Variants in WIPI2 observed in about 807,000 individuals in gnomAD.
The protein encoded by WIPI2 is WD repeat domain phosphoinositide-interacting protein 2.
A neutral mutation model predicts 52.3 loss-of-function variants in WIPI2; 28 were observed. The ratio of observed to expected loss-of-function variants is 0.54; its 90% confidence interval spans 0.40 to 0.73. WIPI2 has a LOEUF of 0.73. WIPI2 is among the 30% of genes least tolerant of loss of function. The probability of loss-of-function intolerance (pLI) is 0.00; values close to 1 mark genes in which losing one functional copy is unlikely to be tolerated. For missense variants in WIPI2, 506 were observed against 602.9 expected (o/e 0.84, Z 1.68); for synonymous variants, 268 against 245.0 (o/e 1.09, Z -0.88).
intron 3 of WIPI2, among the ~76,000 whole-genome samples, chr7:5,205,202 C>G (rs1025029629): frequency 1.3e-5 from 2 of 152,194 alleles, no homozygotes; most frequent in African/African-American, 4.8e-5. Flanking sequence ...TCTGGAACTC[C>G]TGACCTCAGG....
intron 6 of WIPI2, 74 bp downstream of exon 6, chr7:5,217,261 T>A: frequency 6.7e-7 from 1 of 1,489,822 alleles, no homozygotes; most frequent in Non-Finnish European, 9.3e-7. Flanking sequence ...GTGGTGTCCC[T>A]GGCATCCTGA....
At chr7:5,219,226 G>A (rs888520421) in intron 7 of WIPI2, among the ~76,000 whole-genome samples, 13 of 151,592 alleles carry the variant, frequency 8.6e-5, no homozygotes, top group Admixed American at 6.6e-4. Context: ...CGGTGTGCCC[G>A]GGGCCGCCCA....
In WIPI2 at chr7:5,197,111, C is replaced by CAAAAAAAAAAAAAAAAA. The variant is rs1562384541; in HGVS notation, c.129-2459_129-2458insAAAAAAAAAAAAAAAAA. ...TGCATGACAGAGCGGGACTCCGTCT[C>CAAAAAAAAAAAAAAAAA]AAAAAACAAAAAAAAAAAAAAAAAA... is the stretch of plus-strand genomic sequence containing the variant. On this transcript the variant is annotated intron_variant, in intron 2 of 12. Transcript: ENST00000288828. 7.1e-5 allele frequency among the ~76,000 whole-genome samples: 4 copies of CAAAAAAAAAAAAAAAAA among 56,428 alleles called. 1 individual carries two copies. Among genetic ancestry groups the CAAAAAAAAAAAAAAAAA allele is most frequent in the Non-Finnish European group, 2.9e-5 (1 of 33,978 alleles). 37.0% of individuals were successfully genotyped at this position (56,428 alleles called of 152,430 possible). A position where few individuals can be genotyped will look rare whatever the true frequency, so the allele number is the denominator to read the frequency against.
chr7:5,225,783 C>G (rs749832384), intron 8 of WIPI2, 40 bp from the exon 9 acceptor site: 5 of 1,501,496 alleles, frequency 3.3e-6, no homozygotes, highest in Non-Finnish European at 4.6e-6. Flanking sequence ...GGGGCAGCTG[C>G]TGGCTCCGGT....
intron 9 of WIPI2, chr7:5,226,586 C>T (rs1225614879): frequency 1.3e-5 from 2 of 152,786 alleles, no homozygotes; most frequent in Non-Finnish European, 2.9e-5. Flanking sequence ...TTCCTGGGCT[C>T]AAGTGATCTG....
intron 3 of WIPI2, among the ~76,000 whole-genome samples, chr7:5,206,347 A>G (rs769513210): frequency 1.3e-5 from 2 of 152,226 alleles, no homozygotes; most frequent in Non-Finnish European, 1.5e-5. Context: ...CCAAACTTCA[A>G]TAAAGAAAAA....
chr7:5,228,243 C>T, intron 11 of WIPI2, 32 bp downstream of exon 11: 1 of 1,580,672 alleles, frequency 6.3e-7, no homozygotes, highest in Non-Finnish European at 8.6e-7. Context: ...CACGGAGCTG[C>T]TCCGTGCTGG....
chr7:5,223,620 T>A (rs2115305074), intron 8 of WIPI2, among the ~76,000 whole-genome samples: 1 of 152,202 alleles, frequency 6.6e-6, no homozygotes, highest in South Asian at 2.1e-4. Flanking sequence ...CCAACCCCCT[T>A]CCTCACCCCC....
rs1783753126 is a variant in WIPI2, at chr7:5,232,119, G to C, written c.*1172G>C. The C allele has an allele frequency of 2.5e-6, 1 of 398,902 alleles. No homozygotes were observed. The highest frequency in any genetic ancestry group is 4.4e-6 in the Non-Finnish European group (1 of 226,066). The allele number at this position is 398,902 out of a possible 1,614,324, so 24.7% of individuals were successfully genotyped here. On this transcript the variant is annotated 3_prime_UTR_variant, in exon 13 of 13. Transcript: ENST00000288828. ...CAAGGCACCCAGCAGCCAAAGTGTC[G>C]AGGGCATTTAAGTGGCATTAATGGC...
chr7:5,199,477 G>C, intron 2 of WIPI2, 99 bp from the exon 3 acceptor site: 2 of 978,234 alleles, frequency 2.0e-6, no homozygotes. Flanking sequence ...GGGCACGCGG[G>C]GAACTTGCTG....
intron 1 of WIPI2, 165 bp downstream of exon 1, chr7:5,190,658 G>T (rs547137013): frequency 7.0e-6 from 4 of 575,344 alleles, no homozygotes; most frequent in South Asian, 9.7e-5. Context: ...GCAGGGAGGG[G>T]CGCCCTCCAG....
chr7:5,200,862 C>A (rs149988166), intron 3 of WIPI2, among the ~76,000 whole-genome samples: 47 of 152,312 alleles, frequency 3.1e-4, no homozygotes, highest in African/African-American at 1.1e-3. Context: ...TACCCAGGCC[C>A]TTTGCAGGGA....
chr7:5,195,414 A>T (rs1781699467), intron 2 of WIPI2, among the ~76,000 whole-genome samples: 1 of 152,152 alleles, frequency 6.6e-6, no homozygotes, highest in South Asian at 2.1e-4. Context: ...TGAGCCCAGG[A>T]GGTTGGGGCT....
At chr7:5,210,928 ACTC>A (rs1782525871) in intron 3 of WIPI2, among the ~76,000 whole-genome samples, 1 of 152,072 alleles carries the variant, frequency 6.6e-6, no homozygotes, top group Non-Finnish European at 1.5e-5. Context: ...CTCGCATAGA[ACTC>A]AGCCCACACA....
rs979563736 is a variant in WIPI2, at chr7:5,232,693, C to G, written c.*1746C>G. The G allele has an allele frequency of 5.3e-6, 1 of 189,600 alleles. No individual in the cohort carries two copies. Among genetic ancestry groups the G allele is most frequent in the Non-Finnish European group, 1.1e-5 (1 of 93,132 alleles). 11.7% of individuals were successfully genotyped at this position (189,600 alleles called of 1,614,324 possible). On this transcript the variant is annotated 3_prime_UTR_variant, in exon 13 of 13. Transcript: ENST00000288828. ...CAGAGGGCTCTCTCTAGAACCTGAC[C>G]GTGCACTCCATCTCCTGGGAGCCAC... is the stretch of plus-strand genomic sequence containing the variant.
rs376640049 is a variant in WIPI2, at chr7:5,199,551, A to G, written c.129-25A>G. ...TCACTGTCTGCACGTATCAGCTCTT[A>G]TTTCTGAATTTGGCTTTTTTGCAGG... On this transcript the variant is annotated intron_variant, in intron 2 of 12. Coordinates refer to ENST00000288828, the MANE Select transcript of WIPI2 (RefSeq NM_015610.4). 2.5e-6 allele frequency: 4 copies of G among 1,597,242 alleles called. No homozygotes were observed. In the South Asian group the frequency reaches 4.5e-5, roughly 18 times the overall value.
chr7:5,218,239 A>G (rs2115284906), intron 7 of WIPI2: 2 of 496,664 alleles, frequency 4.0e-6, no homozygotes, highest in Admixed American at 3.5e-5. Context: ...TGTAGTAGAA[A>G]ATACAGAAAT....
intron 11 of WIPI2, among the ~76,000 whole-genome samples, chr7:5,228,872 GCACACAGCA>G (rs1783576946): frequency 6.6e-6 from 1 of 152,028 alleles, no homozygotes; most frequent in African/African-American, 2.4e-5. Context: ...GGGACTACAG[GCACACAGCA>G]CATCCAGCTA....
At chr7:5,198,180 C>G (rs1781843925) in intron 2 of WIPI2, among the ~76,000 whole-genome samples, 1 of 152,314 alleles carries the variant, frequency 6.6e-6, no homozygotes, top group East Asian at 1.9e-4. Context: ...CGTTTCGTTT[C>G]CAGCCCACTG....
Sources: allele counts gnomAD v4.1 joint callset (sites outside exome capture counted in the v4.1 genomes callset), GRCh38; gene constraint gnomAD v4.1.1; transcripts MANE v1.5; gene names NCBI Gene and HGNC (gene_info 2026-07-23, HGNC 2026-07-21).